Variants in ANKRD28 observed in about 807,000 individuals in gnomAD.
ANKRD28 encodes the protein ankyrin repeat domain 28, also known as serine/threonine-protein phosphatase 6 regulatory ankyrin repeat subunit A.
In ANKRD28, 44 loss-of-function variants were observed where a neutral mutation model predicts 126.5. The ratio of observed to expected loss-of-function variants is 0.35; its 90% CI spans 0.27 to 0.45. ANKRD28 has a LOEUF of 0.45. ANKRD28 is among the 20% of genes least tolerant of loss of function. ANKRD28 has a pLI of 1.00. For missense variants in ANKRD28, 1,110 were observed against 1,316.6 expected, an observed-to-expected ratio of 0.84 and a Z score of 2.43; for synonymous variants, 442 against 468.5, an observed-to-expected ratio of 0.94 and a Z score of 0.73.
At chr3:15,733,679 T>A (rs1055932359) in intron 6 of ANKRD28, among the ~76,000 whole-genome samples, 1 of 152,230 alleles carries the variant, frequency 6.6e-6, no homozygotes, top group Non-Finnish European at 1.5e-5. Flanking sequence ...GTTGCTTTTG[T>A]AAAAAATCAC....
chr3:15,749,403 C>T (rs903478180), intron 4 of ANKRD28, among the ~76,000 whole-genome samples: 9 of 152,128 alleles, frequency 5.9e-5, no homozygotes, highest in Non-Finnish European at 7.4e-5. Flanking sequence ...TGAGCCACCG[C>T]GCCCGGCCTA....
intron 3 of ANKRD28, among the ~76,000 whole-genome samples, chr3:15,762,294 T>C (rs1018755315): frequency 2.6e-5 from 4 of 151,592 alleles, no homozygotes; most frequent in Non-Finnish European, 1.5e-5. Context: ...ATGGGAGTTA[T>C]CCTCTATAGT....
At chr3:15,699,585 G>C (rs956673134) in intron 14 of ANKRD28, among the ~76,000 whole-genome samples, 1 of 152,188 alleles carries the variant, frequency 6.6e-6, no homozygotes, top group African/African-American at 2.4e-5. Flanking sequence ...GATATGAACA[G>C]ACACTTCTCA....
chr3:15,766,124 A>C (rs2058724124), intron 3 of ANKRD28, 110 bp downstream of exon 3: 7 of 788,184 alleles, frequency 8.9e-6, no homozygotes, highest in Non-Finnish European at 1.2e-5. Flanking sequence ...TCAGCTGATA[A>C]AACAAATATG....
At position 15,797,731 on chromosome 3, in the gene ANKRD28, A is replaced by G; in HGVS notation, c.-1210T>C. On this transcript the variant is annotated 5_prime_UTR_variant, in exon 1 of 28. Transcript: ENST00000683139. ...CAGTCATCTGCCTCTTTGCCAATAT[A>G]GTTTCCTTCCACTGTGAAAACCGCC... 1 of 985,370 alleles carries G rather than the reference A, an allele frequency of 1.0e-6. No individual in the cohort carries two copies. The highest frequency in any genetic ancestry group is 1.2e-6 in the Non-Finnish European group (1 of 829,934). The allele number at this position is 985,370 out of a possible 1,614,324, so 61.0% of individuals were successfully genotyped here.
chr3:15,670,624 A>G, intron 27 of ANKRD28, 68 bp from the exon 28 acceptor site: 1 of 1,450,084 alleles, frequency 6.9e-7, no homozygotes, highest in South Asian at 1.3e-5. Flanking sequence ...CAAGGAAATA[A>G]GCCTAAAGTA....
chr3:15,706,238 C>G (rs1403735674), intron 14 of ANKRD28, among the ~76,000 whole-genome samples: 2 of 152,034 alleles, frequency 1.3e-5, no homozygotes, highest in Non-Finnish European at 2.9e-5. Flanking sequence ...TATCCCTCCC[C>G]CTCCTCCCCA....
chr3:15,844,832 G>A (rs759816658), intron 1 of ANKRD28, among the ~76,000 whole-genome samples: 7 of 152,032 alleles, frequency 4.6e-5, no homozygotes, highest in Non-Finnish European at 7.4e-5. Context: ...TGTATTAGTC[G>A]GTTCTCACAC....
At chr3:15,672,205 T>G (rs2066442242) in intron 27 of ANKRD28, among the ~76,000 whole-genome samples, 1 of 151,050 alleles carries the variant, frequency 6.6e-6, no homozygotes, top group Admixed American at 6.6e-5. Flanking sequence ...GAGTGCAGTA[T>G]AATGATCATG....
intron 10 of ANKRD28, among the ~76,000 whole-genome samples, chr3:15,713,275 C>G (rs2072569522): frequency 6.6e-6 from 1 of 152,126 alleles, no homozygotes; most frequent in South Asian, 2.1e-4. Flanking sequence ...ATTAACAGCT[C>G]TGATCAAAAC....
chr3:15,715,441 TTA>T (rs2072888692), intron 8 of ANKRD28, among the ~76,000 whole-genome samples: 1 of 152,230 alleles, frequency 6.6e-6, no homozygotes, highest in Admixed American at 6.5e-5. Context: ...CCTCATGTCT[TTA>T]TAATAATAAT....
Position 15,795,311 on chromosome 3 carries a change from A to C in ANKRD28, c.118-5T>G, listed in dbSNP as rs781012660. 6.3e-7 allele frequency: 1 copy of C among 1,591,672 alleles called. No individual in the cohort carries two copies. Among genetic ancestry groups the C allele is most frequent in the Non-Finnish European group, 8.6e-7 (1 of 1,159,892 alleles). On this transcript the variant is annotated splice_region_variant and splice_polypyrimidine_tract_variant and intron_variant, in intron 1 of 27. Coordinates refer to ENST00000683139, the MANE Select transcript of ANKRD28 (RefSeq NM_001349278.2). ...TATAGCTTGCACCAGTGATGGCTAA[A>C]ATAGAAGAGAGTAATAAAAACATTA...
chr3:15,796,132 T>A (rs1433870800), intron 1 of ANKRD28, among the ~76,000 whole-genome samples: 1 of 152,158 alleles, frequency 6.6e-6, no homozygotes, highest in Middle Eastern at 3.2e-3. Flanking sequence ...AACAGAAACG[T>A]GGTTGCCATA....
intron 6 of ANKRD28, among the ~76,000 whole-genome samples, chr3:15,727,425 G>A (rs986234472): frequency 1.3e-5 from 2 of 151,996 alleles, no homozygotes; most frequent in African/African-American, 2.4e-5. Flanking sequence ...AAATTAGCCA[G>A]GTGTGGTGGC....
rs1249507498 is a variant in ANKRD28, at chr3:15,838,389, G to C, written c.27+20988C>G. 6.6e-6 allele frequency among the ~76,000 whole-genome samples: 1 copy of C among 151,960 alleles called. No homozygotes were observed. The highest frequency in any genetic ancestry group is 2.4e-5 in the African/African-American group (1 of 41,332). ...GCATACAATAGGAATCATACAAATT[G>C]GCTATTCTTAAAACATTAAACATAA... is the stretch of plus-strand genomic sequence containing the variant. On this transcript the variant is annotated intron_variant, in intron 1 of 27. Transcript: ENST00000399451. The surrounding 1 kb of genome is among the most constrained non-coding windows in gnomAD (Gnocchi z 4.0).
Position 15,679,353 on chromosome 3 carries a change from A to G in ANKRD28, c.2509T>C (p.Leu837=). The part of the protein sequence containing the change: ...INDNEGAAEM[L]IDTLGASIVN... ...ATGCTGGCACCTAATGTATCAATTAACATCTCAGCAGCACCTTCGTTGTCA... is the reference window on the plus strand; with the variant it reads ...ATGCTGGCACCTAATGTATCAATTAGCATCTCAGCAGCACCTTCGTTGTCA... Residue 837 remains leucine (L), a synonymous_variant, in exon 23 of 28, where the codon TTA becomes CTA. Transcript: ENST00000683139. The G allele has an allele frequency of 6.2e-7, 1 of 1,614,008 alleles. No homozygotes were observed. The highest frequency in any genetic ancestry group is 2.2e-5 in the East Asian group (1 of 44,892).
intron 6 of ANKRD28, among the ~76,000 whole-genome samples, chr3:15,727,738 T>C (rs1392407840): frequency 1.3e-5 from 2 of 152,026 alleles, no homozygotes; most frequent in Non-Finnish European, 2.9e-5. Context: ...GTGGTAGAAA[T>C]AGCAAGAGAA....
chr3:15,800,590 G>A (rs1240752494), upstream of ANKRD28, among the ~76,000 whole-genome samples: 1 of 152,072 alleles, frequency 6.6e-6, no homozygotes, highest in Non-Finnish European at 1.5e-5. Flanking sequence ...CAGTTGCCAA[G>A]TCCCCACACT....
intron 2 of ANKRD28, among the ~76,000 whole-genome samples, chr3:15,774,727 T>C (rs1002725855): frequency 2.0e-5 from 3 of 152,080 alleles, no homozygotes; most frequent in Non-Finnish European, 2.9e-5. Flanking sequence ...AATTATACCA[T>C]AAAGAATTCT....
Sources: allele counts gnomAD v4.1 joint callset (sites outside exome capture counted in the v4.1 genomes callset), GRCh38; gene constraint gnomAD v4.1.1; non-coding constraint Gnocchi (gnomAD v3.1); transcripts MANE v1.5; gene names NCBI Gene and HGNC (gene_info 2026-07-23, HGNC 2026-07-21).